RNGTT: variants seen among roughly 807,000 people sequenced by gnomAD.
RNGTT encodes the protein RNA guanylyltransferase and 5'-phosphatase.
In RNGTT, 33 loss-of-function variants were observed where a neutral mutation model predicts 79.3. That is an observed-to-expected ratio of 0.42 (90% CI 0.32 to 0.56). The LOEUF is 0.56. Ranked by LOEUF, RNGTT falls within the 20% of genes least tolerant of loss-of-function variation. The probability of loss-of-function intolerance (pLI) is 0.17; values close to 1 mark genes in which losing one functional copy is unlikely to be tolerated. For missense variants in RNGTT, 497 were observed against 739.1 expected (o/e 0.67, Z 3.80); for synonymous variants, 222 against 235.9 (o/e 0.94, Z 0.54).
At chr6:88,680,765 A>G (rs552614882) in intron 13 of RNGTT, among the ~76,000 whole-genome samples, 35 of 151,780 alleles carry the variant, frequency 2.3e-4, no homozygotes, top group Admixed American at 1.8e-3. Context: ...AAAAGCCTAC[A>G]AAGTATTAAA....
intron 14 of RNGTT, among the ~76,000 whole-genome samples, chr6:88,671,599 C>T (rs558222224): frequency 1.8e-4 from 27 of 152,102 alleles, no homozygotes; most frequent in African/African-American, 6.3e-4. Context: ...ACTAGAAAAG[C>T]CAATCCTAAA....
chr6:88,793,586 C>A (rs932221824), intron 12 of RNGTT, among the ~76,000 whole-genome samples: 6 of 152,086 alleles, frequency 3.9e-5, no homozygotes, highest in African/African-American at 1.4e-4. Flanking sequence ...GTAGGATGGC[C>A]AGGTGTGGTG....
intron 4 of RNGTT, among the ~76,000 whole-genome samples, chr6:88,920,844 G>A (rs1784141241): frequency 6.6e-6 from 1 of 152,074 alleles, no homozygotes; most frequent in South Asian, 2.1e-4. Flanking sequence ...TGTTTTGAGT[G>A]TTTACAGGTT....
chr6:88,861,454 C>T lies in RNGTT; in HGVS notation c.897-7690G>A, dbSNP rs1782012561. Among the ~76,000 whole-genome samples the T allele has an allele frequency of 2.6e-5, 4 of 152,148 alleles. No individual in the cohort carries two copies. In the South Asian group the frequency reaches 8.3e-4, roughly 32 times the overall value. ...CTGTTTCTCTCATTACCTCACTGCT[C>T]AGTAAATTCTGCCTCTGATAACCTC... On this transcript the variant is annotated intron_variant, in intron 8 of 15. Transcript: ENST00000369485.
intron 6 of RNGTT, among the ~76,000 whole-genome samples, chr6:88,893,749 C>T (rs986543695): frequency 6.6e-6 from 1 of 152,084 alleles, no homozygotes; most frequent in African/African-American, 2.4e-5. Flanking sequence ...CATGCATCAA[C>T]TTCTTTTTTA....
intron 12 of RNGTT, among the ~76,000 whole-genome samples, chr6:88,782,571 C>T (rs911390551): frequency 2.0e-5 from 3 of 152,040 alleles, no homozygotes; most frequent in African/African-American, 4.8e-5. Flanking sequence ...AAACTAAAAA[C>T]CTTCTGCACA....
intron 1 of RNGTT, among the ~76,000 whole-genome samples, chr6:88,944,921 C>T (rs955033742): frequency 6.6e-6 from 1 of 152,188 alleles, no homozygotes. Flanking sequence ...CTATTTTGTA[C>T]ACCATCTTTT....
chr6:88,817,418 G>A (rs182462711), intron 11 of RNGTT, among the ~76,000 whole-genome samples: 147 of 148,030 alleles, frequency 9.9e-4, no homozygotes, highest in Admixed American at 1.7e-3. Context: ...ATGGTGTGAG[G>A]ACCGCTTGAA....
chr6:88,892,600 G>A (rs555340670), intron 6 of RNGTT, among the ~76,000 whole-genome samples: 1 of 152,094 alleles, frequency 6.6e-6, no homozygotes, highest in East Asian at 1.9e-4. Flanking sequence ...AAGTAAAGCA[G>A]ACAGAGAATA....
rs1024804845 is a variant in RNGTT at position 88,901,753 on chromosome 6, C to T, written c.684+2962G>A. On this transcript the variant is annotated intron_variant, in intron 6 of 15. Coordinates refer to ENST00000369485, the MANE Select transcript of RNGTT (RefSeq NM_003800.5). Reference sequence around the variant, plus strand: ...CGAACTCCTGACCTCGTGATTCGCCCGCCTCAGTGCTGGGATTTCAGGCGT... The same window carrying T: ...CGAACTCCTGACCTCGTGATTCGCCTGCCTCAGTGCTGGGATTTCAGGCGT... 4.6e-5 allele frequency among the ~76,000 whole-genome samples: 7 copies of T among 152,092 alleles called. No individual in the cohort carries two copies. The South Asian group carries it at 1.0e-3, about 23-fold the overall frequency.
intron 12 of RNGTT, among the ~76,000 whole-genome samples, chr6:88,771,016 A>AT (rs1331163017): frequency 6.6e-6 from 1 of 151,996 alleles, no homozygotes; most frequent in Non-Finnish European, 1.5e-5. Context: ...TCTTGGTTGG[A>AT]TATATGTATT....
intron 6 of RNGTT, among the ~76,000 whole-genome samples, chr6:88,902,071 AC>A (rs1783488291): frequency 1.3e-5 from 2 of 152,130 alleles, no homozygotes; most frequent in East Asian, 1.9e-4. Flanking sequence ...ACCTGTAGTC[AC>A]AGCTACTCAG....
intron 12 of RNGTT, among the ~76,000 whole-genome samples, chr6:88,796,728 C>T (rs1201324118): frequency 6.6e-6 from 1 of 152,126 alleles, no homozygotes; most frequent in Non-Finnish European, 1.5e-5. Flanking sequence ...AGTATAAAGA[C>T]AGCCATCCAA....
At chr6:88,737,281 T>C (rs1777319007) in intron 13 of RNGTT, among the ~76,000 whole-genome samples, 2 of 152,210 alleles carry the variant, frequency 1.3e-5, no homozygotes, top group Non-Finnish European at 2.9e-5. Context: ...ATTTTAGTAG[T>C]ACTTGCTAGT....
At chr6:88,911,711 G>A (rs924998970) in intron 4 of RNGTT, among the ~76,000 whole-genome samples, 2 of 152,110 alleles carry the variant, frequency 1.3e-5, no homozygotes, top group Non-Finnish European at 2.9e-5. Context: ...AATGAAAGCA[G>A]AGGTAAAATA....
chr6:88,786,275 A>C (rs891382480), intron 12 of RNGTT, among the ~76,000 whole-genome samples: 1 of 152,086 alleles, frequency 6.6e-6, no homozygotes, highest in African/African-American at 2.4e-5. Flanking sequence ...TTATTTCCAC[A>C]TGTAAAACTG....
intron 14 of RNGTT, among the ~76,000 whole-genome samples, chr6:88,657,535 AG>A (rs1008026596): frequency 6.6e-6 from 1 of 152,166 alleles, no homozygotes; most frequent in Non-Finnish European, 1.5e-5. Flanking sequence ...AAACAGAATC[AG>A]GGGGTGGGGA....
intron 14 of RNGTT, among the ~76,000 whole-genome samples, chr6:88,636,537 A>G (rs1773105861): frequency 6.6e-6 from 1 of 152,052 alleles, no homozygotes; most frequent in African/African-American, 2.4e-5. Flanking sequence ...TCTCAAAGCA[A>G]TAATTTAATT....
intron 8 of RNGTT, among the ~76,000 whole-genome samples, chr6:88,868,121 C>T (rs1158356278): frequency 1.3e-5 from 2 of 151,156 alleles, no homozygotes; most frequent in East Asian, 3.9e-4. Context: ...GGAAAATAGT[C>T]TCTTACCACA....
Sources: allele counts gnomAD v4.1 joint callset (sites outside exome capture counted in the v4.1 genomes callset), GRCh38; gene constraint gnomAD v4.1.1; transcripts MANE v1.5; gene names NCBI Gene and HGNC (gene_info 2026-07-23, HGNC 2026-07-21).